Variants in RALGAPA2 observed in about 807,000 individuals in gnomAD.
RALGAPA2 encodes ral GTPase-activating protein subunit alpha-2.
In RALGAPA2, 139 loss-of-function variants were observed where a neutral mutation model predicts 230.4. The ratio of observed to expected loss-of-function variants is 0.60; its 90% CI spans 0.53 to 0.69. The LOEUF is 0.69. Ranked by LOEUF, RALGAPA2 falls within the 30% of genes least tolerant of loss-of-function variation. RALGAPA2 has a pLI of 0.00. For missense variants in RALGAPA2, 2,163 were observed against 2,276.0 expected, an observed-to-expected ratio of 0.95 and a Z score of 1.01; for synonymous variants, 847 against 837.8, an observed-to-expected ratio of 1.01 and a Z score of -0.19.
intron 37 of RALGAPA2, among the ~76,000 whole-genome samples, chr20:20,462,790 CTTGCCTGCT>C (rs1461994826): frequency 6.6e-6 from 1 of 152,252 alleles, no homozygotes; most frequent in East Asian, 1.9e-4. Flanking sequence ...ACCATTTGGA[CTTGCCTGCT>C]TTGTCCTTCT....
chr20:20,467,031 A>G (rs577713550), intron 37 of RALGAPA2, among the ~76,000 whole-genome samples: 6 of 152,314 alleles, frequency 3.9e-5, no homozygotes, highest in African/African-American at 1.4e-4. Flanking sequence ...AGTTACTGAA[A>G]AAACTGCTGA....
chr20:20,524,305 A>G, intron 30 of RALGAPA2, 101 bp downstream of exon 30: 1 of 1,465,408 alleles, frequency 6.8e-7, no homozygotes, highest in Non-Finnish European at 9.3e-7. Context: ...AATCCTTTTC[A>G]AAAGGGCAAT....
chr20:20,552,362 T>C (rs2063950509), intron 23 of RALGAPA2, among the ~76,000 whole-genome samples: 1 of 152,086 alleles, frequency 6.6e-6, no homozygotes, highest in African/African-American at 2.4e-5. Flanking sequence ...CATCAAGAAA[T>C]AAAATCTGCA....
At position 20,472,973 on chromosome 20, in the gene RALGAPA2, G is replaced by A. The variant is rs766558570; in HGVS notation, c.5368-17C>T. The A allele has an allele frequency of 6.3e-7, 1 of 1,589,010 alleles. No homozygotes were observed. The highest frequency in any genetic ancestry group is 1.1e-5 in the South Asian group (1 of 87,164). ...AAATGGAACCTGTTGATTTGAAATGGAAAAACAAATTTTAAAAACTGATAA... is the reference window on the plus strand; with the variant it reads ...AAATGGAACCTGTTGATTTGAAATGAAAAAACAAATTTTAAAAACTGATAA... On this transcript the variant is annotated splice_polypyrimidine_tract_variant and intron_variant, in intron 36 of 39. Transcript: ENST00000202677.
intron 36 of RALGAPA2, among the ~76,000 whole-genome samples, chr20:20,485,018 T>C (rs1252352583): frequency 2.0e-5 from 3 of 152,148 alleles, no homozygotes; most frequent in Non-Finnish European, 4.4e-5. Context: ...CCAACACAAA[T>C]TCGGAACTTT....
At chr20:20,402,692 C>T (rs1204546726) in intron 38 of RALGAPA2, among the ~76,000 whole-genome samples, 1 of 152,210 alleles carries the variant, frequency 6.6e-6, no homozygotes, top group African/African-American at 2.4e-5. Flanking sequence ...ATACCTGTTG[C>T]GTGCCCAGAG....
chr20:20,463,588 T>C (rs2061350932), intron 37 of RALGAPA2, among the ~76,000 whole-genome samples: 1 of 152,228 alleles, frequency 6.6e-6, no homozygotes, highest in Non-Finnish European at 1.5e-5. Flanking sequence ...CCAGACTTTT[T>C]TCTATGCTTC....
chr20:20,454,146 G>T (rs771177400), intron 37 of RALGAPA2, among the ~76,000 whole-genome samples: 1 of 152,178 alleles, frequency 6.6e-6, no homozygotes, highest in Non-Finnish European at 1.5e-5. Flanking sequence ...TGTACTCTGT[G>T]AAAAATGGAA....
At chr20:20,528,386 C>T (rs1391058024) in intron 27 of RALGAPA2, among the ~76,000 whole-genome samples, 2 of 152,102 alleles carry the variant, frequency 1.3e-5, no homozygotes, top group Non-Finnish European at 2.9e-5. Context: ...GGACTGGTGA[C>T]TCTGATCAGG....
intron 37 of RALGAPA2, among the ~76,000 whole-genome samples, chr20:20,422,620 G>T (rs1395509222): frequency 6.6e-6 from 1 of 152,192 alleles, no homozygotes; most frequent in African/African-American, 2.4e-5. Flanking sequence ...TGCACACTAT[G>T]TACTGTGAGG....
intron 10 of RALGAPA2, among the ~76,000 whole-genome samples, chr20:20,622,887 T>G (rs879217463): frequency 6.6e-6 from 1 of 152,206 alleles, no homozygotes; most frequent in Non-Finnish European, 1.5e-5. Context: ...TATTACATAT[T>G]CATAATAATA....
At chr20:20,511,117 C>A (rs1181508411) in intron 33 of RALGAPA2, 137 bp downstream of exon 33, 4 of 1,402,206 alleles carry the variant, frequency 2.9e-6, no homozygotes, top group Non-Finnish European at 3.8e-6. Flanking sequence ...ATGGCATGCG[C>A]AAATGTCACC....
chr20:20,424,914 C>G (rs1267915692), intron 37 of RALGAPA2, among the ~76,000 whole-genome samples: 1 of 148,400 alleles, frequency 6.7e-6, no homozygotes, highest in Middle Eastern at 3.2e-3. Context: ...ATTGTAAACT[C>G]TGTTTCTATC....
chr20:20,458,497 TATTA>T (rs1297341491), intron 37 of RALGAPA2, among the ~76,000 whole-genome samples: 2 of 138,376 alleles, frequency 1.4e-5, no homozygotes, highest in African/African-American at 5.4e-5. Context: ...ATTTTATATA[TATTA>T]TATATAATAT....
rs1445653819 is a variant in RALGAPA2 at position 20,544,708 on chromosome 20, G to A, written c.3285+1996C>T. ...TGCAGCCACAAAAAAGAGTAAGTTC[G>A]TGTCCTTTGCAGGGATATGGATGAA... On this transcript the variant is annotated intron_variant, in intron 24 of 39. Coordinates refer to ENST00000202677, the MANE Select transcript of RALGAPA2 (RefSeq NM_020343.4). Among the ~76,000 whole-genome samples the A allele has an allele frequency of 3.9e-5, 6 of 152,274 alleles. No homozygotes were observed. In the East Asian group the frequency reaches 7.7e-4, roughly 20 times the overall value.
At chr20:20,645,106 CT>C (rs71198064) in intron 4 of RALGAPA2, among the ~76,000 whole-genome samples, 709 of 59,472 alleles carry the variant, frequency 0.012, 1 homozygote, top group African/African-American at 0.034. Context: ...GGTGGTGGTG[CT>C]TTTTTTTTTT....
At chr20:20,704,121 G>A (rs184384087) in intron 1 of RALGAPA2, among the ~76,000 whole-genome samples, 1 of 152,074 alleles carries the variant, frequency 6.6e-6, no homozygotes, top group African/African-American at 2.4e-5. Flanking sequence ...TACCTTCACA[G>A]AGGGTACAGA....
chr20:20,622,867 A>G lies in RALGAPA2; in HGVS notation c.1234-2237T>C, dbSNP rs116682820. ...ACCTTACAGTGGTTCTGAAAGGGAT[A>G]ATATCTACATATTACATATTCATAA... On this transcript the variant is annotated intron_variant, in intron 10 of 39. Transcript: ENST00000202677. 1.9e-3 allele frequency among the ~76,000 whole-genome samples: 284 copies of G among 152,322 alleles called. 1 individual carries two copies. Among genetic ancestry groups the G allele is most frequent in the African/African-American group, 6.7e-3 (277 of 41,584 alleles).
chr20:20,497,630 C>T (rs2062246572), intron 35 of RALGAPA2, among the ~76,000 whole-genome samples: 1 of 152,188 alleles, frequency 6.6e-6, no homozygotes, highest in South Asian at 2.1e-4. Flanking sequence ...TGAGGTAATA[C>T]CGTGATTATT....
Sources: gnomAD v4.1 joint callset for allele counts (sites outside exome capture counted in the v4.1 genomes callset) on GRCh38, gnomAD v4.1.1 for gene constraint, MANE v1.5 for transcripts, NCBI Gene and HGNC (gene_info 2026-07-23, HGNC 2026-07-21) for gene names.